RGS14: variants seen among roughly 807,000 people sequenced by gnomAD.
RGS14 encodes regulator of G protein signaling 14.
RGS14 carries 33 observed loss-of-function variants against 63.8 expected under a neutral mutation model. That is an observed-to-expected ratio of 0.52 (90% CI 0.39 to 0.69). The LOEUF (loss-of-function observed/expected upper bound fraction) is 0.69, where lower values mean the gene tolerates loss of function less well. Ranked by LOEUF, RGS14 falls within the 30% of genes least tolerant of loss-of-function variation. The probability of loss-of-function intolerance (pLI) is 0.00; values close to 1 mark genes in which losing one functional copy is unlikely to be tolerated. For missense variants in RGS14, 739 were observed against 742.9 expected (o/e 0.99, Z 0.06); for synonymous variants, 296 against 320.9 (o/e 0.92, Z 0.83).
At chr5:177,365,885 C>A in intron 1 of RGS14, 78 bp from the exon 2 acceptor site, 1 of 1,469,730 alleles carries the variant, frequency 6.8e-7, no homozygotes, top group Middle Eastern at 1.7e-4. Flanking sequence ...AGTTCCAGCT[C>A]CTGGGAGTCG....
Position 177,366,304 on chromosome 5 carries a change from C to T in RGS14, c.195C>T (p.Ala65=), listed in dbSNP as rs1478358876. 12 of 1,557,568 alleles carry T rather than the reference C, an allele frequency of 7.7e-6. No individual in the cohort carries two copies. In the Admixed American group the frequency reaches 2.3e-4, roughly 30 times the overall value. The change falls in exon 3 of 15, where the codon GCC becomes GCT. Residue 65 remains alanine (A), a synonymous_variant. Coordinates refer to ENST00000408923, the MANE Select transcript of RGS14 (RefSeq NM_006480.5). The part of the protein sequence containing the change: ...PTEEQPVASW[A]LSFERLLQDP... ...AGGAGCAGCCTGTGGCCAGCTGGGC[C>T]CTGTCCTTCGAGCGGCTGTTGCAGG...
rs944307621 is a variant in RGS14 at position 177,358,377 on chromosome 5, G to T, written c.45+308G>T. ...GCATCCCAGGGTCTCAGGGACACTCGATGTGCTCCTTGCCCCCTGCCCATC... is the reference window on the plus strand; with the variant it reads ...GCATCCCAGGGTCTCAGGGACACTCTATGTGCTCCTTGCCCCCTGCCCATC... On this transcript the variant is annotated intron_variant, in intron 1 of 14. Coordinates refer to ENST00000408923, the MANE Select transcript of RGS14 (RefSeq NM_006480.5). This position sits in a 1 kb window ranked among gnomAD's most constrained non-coding sequence, Gnocchi z 4.8. Among the ~76,000 whole-genome samples, 3 of 152,168 alleles carry T rather than the reference G, an allele frequency of 2.0e-5. No homozygotes were observed. Among genetic ancestry groups the T allele is most frequent in the Non-Finnish European group, 2.9e-5 (2 of 68,022 alleles).
Position 177,366,983 on chromosome 5 carries a change from G to A in RGS14, c.432G>A (p.Glu144=), listed in dbSNP as rs1401510573. ...VNIDRQAWLG[E]EVLAEPRPDM... is the part of the protein sequence containing the mutation. The stretch of plus-strand genomic sequence containing the variant: ...TCGACCGTCAGGCCTGGCTTGGCGA[G>A]GAGGTGCTGGCCGAGCCCCGGCCGG... The change falls in exon 5 of 15, where the codon GAG becomes GAA. Residue 144 remains glutamate (E), a synonymous_variant. Coordinates refer to ENST00000408923, the MANE Select transcript of RGS14 (RefSeq NM_006480.5). 6.2e-7 allele frequency: 1 copy of A among 1,613,598 alleles called. No homozygotes were observed. Among genetic ancestry groups the A allele is most frequent in the African/African-American group, 1.3e-5 (1 of 75,052 alleles).
chr5:177,371,030 G>A lies in RGS14; in HGVS notation c.1253G>A (p.Arg418Gln), dbSNP rs750967029. The change falls in exon 11 of 15, where the codon CGG (arginine) becomes CAG (glutamine). Residue 418 changes from arginine (R) to glutamine (Q), a missense_variant and splice_region_variant. Arg to Gln is a conservative substitution (Grantham distance 43). Coordinates refer to ENST00000408923, the MANE Select transcript of RGS14 (RefSeq NM_006480.5). This position sits in a 1 kb window ranked among gnomAD's most constrained non-coding sequence, Gnocchi z 6.1. ...GLSPLEVVLH[R>Q]PGEKQPLDLG... ...AGCCCGCTAGAGGTGGTGCTGCACCGGGTGAGCTTCCGGGCCGCGGGGCGG... is the reference window on the plus strand; with the variant it reads ...AGCCCGCTAGAGGTGGTGCTGCACCAGGTGAGCTTCCGGGCCGCGGGGCGG... 2.5e-5 allele frequency: 39 copies of A among 1,530,922 alleles called. No individual in the cohort carries two copies. The highest frequency in any genetic ancestry group is 5.9e-5 in the South Asian group (5 of 85,382). 94.8% of individuals were successfully genotyped at this position (1,530,922 alleles called of 1,614,324 possible).
chr5:177,371,084 GCCGGGGCCGGGGCCGGGGC>G lies in RGS14; in HGVS notation c.1254+55_1255-61del, dbSNP rs1561618814. 127 of 535,826 alleles carry G rather than the reference GCCGGGGCCGGGGCCGGGGC, an allele frequency of 2.4e-4. 3 individuals carry two copies. The African/African-American group carries it at 4.1e-3, about 17-fold the overall frequency. 33.2% of individuals were successfully genotyped at this position (535,826 alleles called of 1,614,324 possible). A position where few individuals can be genotyped will look rare whatever the true frequency, so the allele number is the denominator to read the frequency against. ...GGGGCGGGGCCGGGCCGGGGCCGGG[GCCGGGGCCGGGGCCGGGGC>G]CGGGGCCGGGGCCGGGGCCGGGCGG... is the stretch of plus-strand genomic sequence containing the variant. On this transcript the variant is annotated intron_variant, in intron 11 of 14. Transcript: ENST00000408923. The surrounding 1 kb of genome is among the most constrained non-coding windows in gnomAD (Gnocchi z 6.1).
intron 9 of RGS14, among the ~76,000 whole-genome samples, chr5:177,369,469 C>T (rs2127335155): frequency 6.6e-6 from 1 of 152,260 alleles, no homozygotes; most frequent in South Asian, 2.1e-4. Context: ...AAGGCCTTGC[C>T]AGGTGTGTGG....
intron 1 of RGS14, among the ~76,000 whole-genome samples, chr5:177,363,781 A>C (rs1317742438): frequency 1.3e-5 from 2 of 152,176 alleles, no homozygotes; most frequent in African/African-American, 2.4e-5. Context: ...AAAGTCACAC[A>C]GCACAAATTT....
In RGS14 at chr5:177,371,667, C is replaced by G; in HGVS notation, c.1498+78C>G. The G allele has an allele frequency of 6.9e-7, 1 of 1,450,680 alleles. No homozygotes were observed. The highest frequency in any genetic ancestry group is 9.6e-7 in the Non-Finnish European group (1 of 1,040,350). 89.9% of individuals were successfully genotyped at this position (1,450,680 alleles called of 1,614,324 possible). On this transcript the variant is annotated intron_variant, in intron 14 of 14. Transcript: ENST00000408923. The surrounding 1 kb of genome is among the most constrained non-coding windows in gnomAD (Gnocchi z 6.1). ...ACCATTCAGGGTGGCATCAGAGAGCCTTGAGCTAAGGCAGGGGGCTGGGTG... is the reference window on the plus strand; with the variant it reads ...ACCATTCAGGGTGGCATCAGAGAGCGTTGAGCTAAGGCAGGGGGCTGGGTG...
At chr5:177,366,153 C>G in intron 2 of RGS14, 24 bp from the exon 3 acceptor site, 7 of 1,600,272 alleles carry the variant, frequency 4.4e-6, no homozygotes, top group Non-Finnish European at 6.0e-6. Context: ...CAAGGCTCAC[C>G]CCAACTTGTC....
At chr5:177,369,383 A>T (rs1185239452) in intron 9 of RGS14, among the ~76,000 whole-genome samples, 1 of 152,236 alleles carries the variant, frequency 6.6e-6, no homozygotes, top group Non-Finnish European at 1.5e-5. Flanking sequence ...GAAACCATTC[A>T]GTCAGGGGAA....
At position 177,359,616 on chromosome 5, in the gene RGS14, C is replaced by T. The variant is rs1265032474; in HGVS notation, c.45+1547C>T. On this transcript the variant is annotated intron_variant, in intron 1 of 14. Coordinates refer to ENST00000408923, the MANE Select transcript of RGS14 (RefSeq NM_006480.5). This position sits in a 1 kb window ranked among gnomAD's most constrained non-coding sequence, Gnocchi z 4.4. ...GGTCTGCCCCCAGTTCCATCAAGCC[C>T]ACAGACGCCCCGGCTCCTCTCAGAA... 6.6e-6 allele frequency among the ~76,000 whole-genome samples: 1 copy of T among 152,212 alleles called. No individual in the cohort carries two copies. Among genetic ancestry groups the T allele is most frequent in the East Asian group, 1.9e-4 (1 of 5,196 alleles).
At position 177,370,953 on chromosome 5, in the gene RGS14, C is replaced by A. The variant is rs1181401780; in HGVS notation, c.1176C>A (p.Pro392=). ...LERVVRISAK[P]TKRLQEALQP... is the part of the protein sequence containing the mutation. ...GCGTGGTACGAATCTCAGCCAAGCCCACCAAGCGGCTGCAGGAGGCGCTGC... is the reference window on the plus strand; with the variant it reads ...GCGTGGTACGAATCTCAGCCAAGCCAACCAAGCGGCTGCAGGAGGCGCTGC... Residue 392 remains proline, a synonymous_variant, in exon 11 of 15, where the codon CCC becomes CCA. Transcript: ENST00000408923. 6.2e-7 allele frequency: 1 copy of A among 1,608,186 alleles called. No individual in the cohort carries two copies. Among genetic ancestry groups the A allele is most frequent in the African/African-American group, 1.3e-5 (1 of 74,848 alleles).
chr5:177,371,034 G>A lies in RGS14; in HGVS notation c.1254+3G>A. 1 of 1,515,186 alleles carries A rather than the reference G, an allele frequency of 6.6e-7. No individual in the cohort carries two copies. Among genetic ancestry groups the A allele is most frequent in the East Asian group, 2.6e-5 (1 of 37,976 alleles). The allele number at this position is 1,515,186 out of a possible 1,614,324, so 93.9% of individuals were successfully genotyped here. ...CGCTAGAGGTGGTGCTGCACCGGGT[G>A]AGCTTCCGGGCCGCGGGGCGGGGCG... is the stretch of plus-strand genomic sequence containing the variant. On this transcript the variant is annotated splice_donor_region_variant and intron_variant, in intron 11 of 14. Coordinates refer to ENST00000408923, the MANE Select transcript of RGS14 (RefSeq NM_006480.5). The surrounding 1 kb of genome is among the most constrained non-coding windows in gnomAD (Gnocchi z 6.1).
rs1762294273 is a variant in RGS14, at chr5:177,372,323, G to A, written c.*248G>A. 2 of 504,528 alleles carry A rather than the reference G, an allele frequency of 4.0e-6. No individual in the cohort carries two copies. Among genetic ancestry groups the A allele is most frequent in the African/African-American group, 1.9e-5 (1 of 51,424 alleles). The allele number at this position is 504,528 out of a possible 1,614,324, so 31.3% of individuals were successfully genotyped here. ...AGCCAGGCCACAATGGGGGAGGTGA[G>A]TCCAGCCCCTTGGAACAGGCTTGCC... is the stretch of plus-strand genomic sequence containing the variant. On this transcript the variant is annotated 3_prime_UTR_variant, in exon 15 of 15. Transcript: ENST00000408923.
Position 177,358,080 on chromosome 5 carries a change from G to A in RGS14, c.45+11G>A. The A allele has an allele frequency of 1.5e-6, 2 of 1,342,854 alleles. No individual in the cohort carries two copies. The highest frequency in any genetic ancestry group is 1.9e-6 in the Non-Finnish European group (2 of 1,037,014). 83.2% of individuals were successfully genotyped at this position (1,342,854 alleles called of 1,614,324 possible). ...CCCAACGGGCGCATGGTGAGTGTGG[G>A]CTCCGGGCCAGGGCCACGAGGAGGG... is the stretch of plus-strand genomic sequence containing the variant. On this transcript the variant is annotated intron_variant, in intron 1 of 14. Transcript: ENST00000408923. This position sits in a 1 kb window ranked among gnomAD's most constrained non-coding sequence, Gnocchi z 4.8.
intron 7 of RGS14, 157 bp downstream of exon 7, chr5:177,367,982 T>C (rs1338969944): frequency 7.0e-7 from 1 of 1,437,938 alleles, no homozygotes; most frequent in African/African-American, 1.4e-5. Context: ...GTGGTTCGGG[T>C]CTTGGGCTAG....
chr5:177,360,109 T>G (rs1279619102), intron 1 of RGS14, among the ~76,000 whole-genome samples: 1 of 152,220 alleles, frequency 6.6e-6, no homozygotes, highest in African/African-American at 2.4e-5. Flanking sequence ...TTCCTAGGGA[T>G]GTCTTCACAC....
At chr5:177,360,566 TAAAAAA>T (rs750301708) in intron 1 of RGS14, among the ~76,000 whole-genome samples, 650 of 64,834 alleles carry the variant, frequency 0.01, 13 homozygotes, top group African/African-American at 0.034. Flanking sequence ...GATCCTATAT[TAAAAAA>T]AAAAAAAAAA....
rs1340403283 is a variant in RGS14, at chr5:177,371,585, C to T, written c.1494C>T (p.Ile498=). ...SATGKRQTCD[I]EGLVELLNRV... is the part of the protein sequence containing the mutation. ...CTGGAAAGCGGCAGACCTGTGACATCGAAGGTACATGGTGGATGAGCTGGG... is the reference window on the plus strand; with the variant it reads ...CTGGAAAGCGGCAGACCTGTGACATTGAAGGTACATGGTGGATGAGCTGGG... The change falls in exon 14 of 15, where the codon ATC becomes ATT. Residue 498 remains isoleucine (I), a synonymous_variant. Coordinates refer to ENST00000408923, the MANE Select transcript of RGS14 (RefSeq NM_006480.5). This position sits in a 1 kb window ranked among gnomAD's most constrained non-coding sequence, Gnocchi z 6.1. 3 of 1,613,164 alleles carry T rather than the reference C, an allele frequency of 1.9e-6. No individual in the cohort carries two copies. Among genetic ancestry groups the T allele is most frequent in the South Asian group, 1.1e-5 (1 of 91,062 alleles).
Sources: gnomAD v4.1 joint callset for allele counts (sites outside exome capture counted in the v4.1 genomes callset) on GRCh38, gnomAD v4.1.1 for gene constraint, Gnocchi (gnomAD v3.1) non-coding constraint, MANE v1.5 for transcripts, NCBI Gene and HGNC (gene_info 2026-07-23, HGNC 2026-07-21) for gene names.